ABITRAM: variants seen among roughly 807,000 people sequenced by gnomAD.
ABITRAM encodes the protein protein Abitram.
In ABITRAM, 19 loss-of-function variants were observed where a neutral mutation model predicts 22.9. The observed-to-expected ratio is 0.83, with a 90% CI of 0.58 to 1.22. ABITRAM has a LOEUF of 1.22. ABITRAM is among the 50% of genes most tolerant of loss of function. ABITRAM has a pLI of 0.00. For synonymous variants in ABITRAM, 70 were observed against 73.9 expected, an observed-to-expected ratio of 0.95 and a Z score of 0.27; for missense variants, 215 against 220.2, an observed-to-expected ratio of 0.98 and a Z score of 0.15.
chr9:108,939,489 A>T, intron 5 of ABITRAM, 35 bp downstream of exon 5: 1 of 1,606,416 alleles, frequency 6.2e-7, no homozygotes, highest in Non-Finnish European at 8.5e-7. Flanking sequence ...TCTCATCCAC[A>T]TACCTTTTAT....
At chr9:108,948,057 T>C in intron 3 of ABITRAM, 1 of 1,057,320 alleles carries the variant, frequency 9.5e-7, no homozygotes, top group East Asian at 2.7e-5. Context: ...TTTCTACTGC[T>C]CTCTGTAATA....
chr9:108,934,835 C>T (rs143111547), intron 1 of ABITRAM, among the ~76,000 whole-genome samples: 95 of 152,194 alleles, frequency 6.2e-4, no homozygotes, highest in Middle Eastern at 3.4e-3. Flanking sequence ...TAAACGGAGG[C>T]CCCAAAGGTA....
downstream of ABITRAM, chr9:108,942,586 C>A: frequency 1.8e-6 from 1 of 569,782 alleles, no homozygotes; most frequent in South Asian, 2.5e-5. Context: ...CTAGCAATTA[C>A]CAAGACATTT....
intron 3 of ABITRAM, among the ~76,000 whole-genome samples, chr9:108,947,315 G>A (rs996834487): frequency 2.0e-5 from 3 of 152,012 alleles, no homozygotes; most frequent in Non-Finnish European, 2.9e-5. Flanking sequence ...GGGTTCCACC[G>A]TGTTAGCCAA....
chr9:108,943,641 G>A, downstream of ABITRAM: 13 of 1,410,768 alleles, frequency 9.2e-6, no homozygotes, highest in African/African-American at 1.4e-5. Context: ...TTTATTTGAA[G>A]AAAAAGGGGC....
chr9:108,950,658 C>T (rs2132090237), exon 4 of ABITRAM: 2 of 1,517,222 alleles, frequency 1.3e-6, no homozygotes, highest in South Asian at 1.3e-5. Flanking sequence ...GCTGCCTCAC[C>T]TATCCCATCC....
At chr9:108,944,065 T>G (rs1278227822), downstream of ABITRAM, 3 of 1,504,554 alleles carry the variant, frequency 2.0e-6, no homozygotes, top group African/African-American at 1.4e-5. Flanking sequence ...TGTCTATGGA[T>G]AGTTGGTAAG....
chr9:108,942,959 A>T, downstream of ABITRAM: 1 of 1,611,726 alleles, frequency 6.2e-7, no homozygotes, highest in South Asian at 1.1e-5. Flanking sequence ...AAACTACCTC[A>T]CCTTCTTCAG....
chr9:108,945,812 G>A (rs1485711907), downstream of ABITRAM, among the ~76,000 whole-genome samples: 2 of 152,084 alleles, frequency 1.3e-5, no homozygotes, highest in Non-Finnish European at 2.9e-5. Context: ...TCCATAGTTG[G>A]TTGAATCTGC....
Position 108,939,567 on chromosome 9 carries a change from A to C in ABITRAM, c.427A>C (p.Ile143Leu). The C allele has an allele frequency of 1.2e-6, 2 of 1,614,008 alleles. No homozygotes were observed. Among genetic ancestry groups the C allele is most frequent in the Non-Finnish European group, 1.7e-6 (2 of 1,179,990 alleles). ...LQEKPSTEGY[I>L]AVVLPKFEES... ...TTTCCAGCCATCTACTGAAGGCTACATTGCAGTTGTGTTACCCAAATTTGA... is the reference window on the plus strand; with the variant it reads ...TTTCCAGCCATCTACTGAAGGCTACCTTGCAGTTGTGTTACCCAAATTTGA... Residue 143 changes from isoleucine to leucine, a missense_variant, in exon 6 of 6, where the codon ATT becomes CTT. Transcript: ENST00000322940.
At chr9:108,935,951 C>A in intron 2 of ABITRAM, 1 of 527,964 alleles carries the variant, frequency 1.9e-6, no homozygotes. Flanking sequence ...CTTGAAGTGG[C>A]CAGTCTGTGC....
In ABITRAM at chr9:108,934,517, G is replaced by C; in HGVS notation, c.31G>C (p.Val11Leu). The C allele has an allele frequency of 6.2e-7, 1 of 1,606,594 alleles. No homozygotes were observed. Reference sequence around the variant, plus strand: ...TACCGAGCCCGAAGCCGCGGAGCCGGTGGTGCCTTCGCTCGTGGATCGATA... The same window carrying C: ...TACCGAGCCCGAAGCCGCGGAGCCGCTGGTGCCTTCGCTCGTGGATCGATA... MATEPEAAEP[V>L]VPSLVDRYFT... The change falls in exon 1 of 6, where the codon GTG becomes CTG. Residue 11 changes from valine (V) to leucine (L), a missense_variant. Physicochemically the swap from Val to Leu is conservative, Grantham distance 32 (BLOSUM62 1). Transcript: ENST00000322940.
chr9:108,943,512 CTACTT>C (rs975923690), downstream of ABITRAM, among the ~76,000 whole-genome samples: 8 of 152,080 alleles, frequency 5.3e-5, no homozygotes, highest in African/African-American at 1.7e-4. Context: ...GTCCAAAAAA[CTACTT>C]TATTTGGTGA....
At chr9:108,939,002 A>G (rs1830223219) in intron 3 of ABITRAM, among the ~76,000 whole-genome samples, 194 bp from the exon 4 acceptor site, 1 of 152,192 alleles carries the variant, frequency 6.6e-6, no homozygotes, top group Non-Finnish European at 1.5e-5. Flanking sequence ...CCCTAGACCT[A>G]GGATGGCACC....
intron 3 of ABITRAM, among the ~76,000 whole-genome samples, chr9:108,936,867 AAAAG>A (rs1340249080): frequency 1.3e-5 from 2 of 152,208 alleles, no homozygotes; most frequent in East Asian, 1.9e-4. Flanking sequence ...TAGAAAAAAA[AAAAG>A]AAAAACATGG....
chr9:108,935,742 T>C, intron 2 of ABITRAM, 53 bp downstream of exon 2: 1 of 1,168,088 alleles, frequency 8.6e-7, no homozygotes, highest in Non-Finnish European at 1.3e-6. Flanking sequence ...CCTGGTATTG[T>C]AGCCTGGTAT....
downstream of ABITRAM, chr9:108,942,870 C>T (rs1334490021): frequency 1.2e-6 from 2 of 1,611,804 alleles, no homozygotes; most frequent in Non-Finnish European, 1.7e-6. Flanking sequence ...TCTGGTTTCA[C>T]TCTGAAAAAA....
downstream of ABITRAM, among the ~76,000 whole-genome samples, chr9:108,944,196 C>T (rs538055009): frequency 6.6e-6 from 1 of 152,326 alleles, no homozygotes; most frequent in Admixed American, 6.5e-5. Context: ...TAACTGTTTT[C>T]AGAAGGAGTT....
At position 108,939,987 on chromosome 9, in the gene ABITRAM, G is replaced by T. The variant is rs1246614384; in HGVS notation, c.*301G>T. On this transcript the variant is annotated 3_prime_UTR_variant, in exon 6 of 6. Transcript: ENST00000322940. ...AAAACAAACAAAGCTCTTTGAAGAA[G>T]ATTTAGAAAATACAGAAGAGTTTTA... The T allele has an allele frequency of 2.2e-5, 6 of 277,154 alleles. No individual in the cohort carries two copies. Among genetic ancestry groups the T allele is most frequent in the Non-Finnish European group, 4.0e-5 (6 of 148,650 alleles). 17.2% of individuals were successfully genotyped at this position (277,154 alleles called of 1,614,324 possible). A position where few individuals can be genotyped will look rare whatever the true frequency, so the allele number is the denominator to read the frequency against.
Sources: gnomAD v4.1 joint callset for allele counts (sites outside exome capture counted in the v4.1 genomes callset) on GRCh38, gnomAD v4.1.1 for gene constraint, MANE v1.5 for transcripts, NCBI Gene and HGNC (gene_info 2026-07-23, HGNC 2026-07-21) for gene names.